MRPS27: variants seen among roughly 807,000 people sequenced by gnomAD.
The protein encoded by MRPS27 is small ribosomal subunit protein mS27.
A neutral mutation model predicts 48.9 loss-of-function variants in MRPS27; 43 were observed. The ratio of observed to expected loss-of-function variants is 0.88; its 90% confidence interval spans 0.69 to 1.13. MRPS27 has a LOEUF of 1.13. Ranked by LOEUF, MRPS27 falls within the 50% of genes most tolerant of loss-of-function variation. MRPS27 has a pLI of 0.00. For synonymous variants in MRPS27, 188 were observed against 171.9 expected (o/e 1.09, Z -0.73); for missense variants, 467 against 476.3 (o/e 0.98, Z 0.18).
Position 72,296,248 on chromosome 5 carries a change from G to A in MRPS27, c.223-659C>T, listed in dbSNP as rs373799852. 8.7e-4 allele frequency among the ~76,000 whole-genome samples: 132 copies of A among 152,124 alleles called. 4 individuals are homozygous for A. The South Asian group carries it at 0.026, about 29-fold the overall frequency. On this transcript the variant is annotated intron_variant, in intron 3 of 10. Transcript: ENST00000261413. ...CAGAGGCAAAAAAGAAAAAAAAAGC[G>A]TAGAAGACAATGCATGTTGTGAATA...
At chr5:72,313,790 A>T (rs1750498837) in intron 2 of MRPS27, among the ~76,000 whole-genome samples, 1 of 152,226 alleles carries the variant, frequency 6.6e-6, no homozygotes, top group South Asian at 2.1e-4. Context: ...AAATTCTGTA[A>T]AACAGGCTGC....
intron 4 of MRPS27, among the ~76,000 whole-genome samples, chr5:72,263,821 A>G (rs1045259726): frequency 1.3e-5 from 2 of 152,162 alleles, no homozygotes; most frequent in African/African-American, 2.4e-5. Context: ...GCTGGCCACT[A>G]TGGAAAATAG....
intron 4 of MRPS27, among the ~76,000 whole-genome samples, chr5:72,245,039 A>G (rs1748474687): frequency 6.6e-6 from 1 of 152,196 alleles, no homozygotes; most frequent in Non-Finnish European, 1.5e-5. Flanking sequence ...GGGAGAAGAA[A>G]CAAGTATTTA....
At position 72,223,867 on chromosome 5, in the gene MRPS27, G is replaced by C. The variant is rs1336308368; in HGVS notation, c.838-17C>G. 2 of 1,609,738 alleles carry C rather than the reference G, an allele frequency of 1.2e-6. No individual in the cohort carries two copies. The highest frequency in any genetic ancestry group is 2.2e-5 in the East Asian group (1 of 44,768). Reference sequence around the variant, plus strand: ...CACATCGAGCTGTGGAGCAGAAAGAGGGTCAGCAACCAAATGTTTTATGGC... The same window carrying C: ...CACATCGAGCTGTGGAGCAGAAAGACGGTCAGCAACCAAATGTTTTATGGC... On this transcript the variant is annotated splice_polypyrimidine_tract_variant and intron_variant, in intron 9 of 10. Coordinates refer to ENST00000261413, the MANE Select transcript of MRPS27 (RefSeq NM_015084.3).
At chr5:72,263,948 T>C (rs1749044708) in intron 4 of MRPS27, among the ~76,000 whole-genome samples, 1 of 152,156 alleles carries the variant, frequency 6.6e-6, no homozygotes, top group Non-Finnish European at 1.5e-5. Context: ...ACATGCATGT[T>C]CGTAGCAGCA....
intron 1 of MRPS27, among the ~76,000 whole-genome samples, chr5:72,317,543 T>G: frequency 6.6e-6 from 1 of 151,924 alleles, no homozygotes; most frequent in East Asian, 1.9e-4. Context: ...CCACCACGCC[T>G]AATTTTGTAT....
chr5:72,230,866 C>T (rs952407195), intron 7 of MRPS27, among the ~76,000 whole-genome samples: 20 of 152,128 alleles, frequency 1.3e-4, no homozygotes, highest in Non-Finnish European at 2.5e-4. Flanking sequence ...GTGACCCCTG[C>T]TTCCCTGCCT....
At chr5:72,283,631 T>A (rs1400062968) in intron 4 of MRPS27, among the ~76,000 whole-genome samples, 1 of 152,180 alleles carries the variant, frequency 6.6e-6, no homozygotes, top group Non-Finnish European at 1.5e-5. Context: ...TGGCAATTGT[T>A]CTTTCTCCAA....
chr5:72,292,958 T>C (rs1749870065), intron 4 of MRPS27, among the ~76,000 whole-genome samples: 1 of 152,200 alleles, frequency 6.6e-6, no homozygotes, highest in African/African-American at 2.4e-5. Context: ...TGCTCCGAGA[T>C]GTCTAAAGTC....
At chr5:72,298,206 A>G (rs1016025274) in intron 2 of MRPS27, among the ~76,000 whole-genome samples, 3 of 152,214 alleles carry the variant, frequency 2.0e-5, no homozygotes, top group African/African-American at 7.2e-5. Context: ...TATCCCCATT[A>G]AAAAATGAGC....
intron 4 of MRPS27, among the ~76,000 whole-genome samples, chr5:72,292,058 T>C (rs1749834210): frequency 6.6e-6 from 1 of 152,210 alleles, no homozygotes; most frequent in Admixed American, 6.5e-5. Context: ...TTATTTTTTA[T>C]TATCTTATTT....
chr5:72,228,537 C>G (rs373524443), intron 7 of MRPS27, 169 bp from the exon 8 acceptor site: 1 of 452,698 alleles, frequency 2.2e-6, no homozygotes, highest in South Asian at 6.1e-5. Context: ...AAGGTACTTA[C>G]GTCAAAGAAA....
intron 4 of MRPS27, among the ~76,000 whole-genome samples, chr5:72,246,278 A>AATG (rs956614955): frequency 6.6e-5 from 10 of 152,210 alleles, no homozygotes; most frequent in Admixed American, 5.9e-4. Context: ...GCCAAGAAGA[A>AATG]ATGCTGCCTT....
In MRPS27 at chr5:72,232,483, T is replaced by TA; in HGVS notation, c.550dup (p.Tyr184LeufsTer74). The TA allele has an allele frequency of 6.2e-7, 1 of 1,612,390 alleles. No homozygotes were observed. ...CTTTGCCAGGCAATGAAATAAAACA[T>TA]AGAGGGAGAGAAGTTGGGTGGAAGG... On this transcript the variant is annotated frameshift_variant, in exon 7 of 11. Transcript: ENST00000261413. LOFTEE classifies it high-confidence loss of function.
intron 4 of MRPS27, among the ~76,000 whole-genome samples, chr5:72,270,798 T>C (rs941808721): frequency 6.6e-6 from 1 of 152,186 alleles, no homozygotes; most frequent in African/African-American, 2.4e-5. Context: ...CAATACACTC[T>C]TGGGAATTCA....
At chr5:72,254,467 T>C (rs1251732270) in intron 4 of MRPS27, among the ~76,000 whole-genome samples, 1 of 152,174 alleles carries the variant, frequency 6.6e-6, no homozygotes, top group Non-Finnish European at 1.5e-5. Context: ...ACCCCCTTAT[T>C]ATCCTTGGGA....
At chr5:72,316,373 CTTTG>C (rs1750564407) in intron 1 of MRPS27, among the ~76,000 whole-genome samples, 2 of 152,132 alleles carry the variant, frequency 1.3e-5, no homozygotes, top group South Asian at 2.1e-4. Flanking sequence ...TTTGTTGTTT[CTTTG>C]TTTGTTTTTG....
In MRPS27 at chr5:72,219,816, A is replaced by T. The variant is rs1159539552; in HGVS notation, c.*1093T>A. ...GCACATGTGCCTCTGTGTGTACACA[A>T]AAGGCTCATTTTACCTACTTGATAA... On this transcript the variant is annotated 3_prime_UTR_variant, in exon 11 of 11. Coordinates refer to ENST00000261413, the MANE Select transcript of MRPS27 (RefSeq NM_015084.3). 6.6e-6 allele frequency: 1 copy of T among 152,306 alleles called. No homozygotes were observed. The highest frequency in any genetic ancestry group is 1.5e-5 in the Non-Finnish European group (1 of 68,042). The allele number at this position is 152,306 out of a possible 1,614,324, so 9.4% of individuals were successfully genotyped here. A position where few individuals can be genotyped will look rare whatever the true frequency, so the allele number is the denominator to read the frequency against.
intron 4 of MRPS27, among the ~76,000 whole-genome samples, chr5:72,243,248 C>A (rs1255944308): frequency 6.6e-6 from 1 of 152,192 alleles, no homozygotes; most frequent in Non-Finnish European, 1.5e-5. Context: ...AAGGAATGAG[C>A]GCTTCCTTGA....
Sources: gnomAD v4.1 joint callset for allele counts (sites outside exome capture counted in the v4.1 genomes callset) on GRCh38, gnomAD v4.1.1 for gene constraint, MANE v1.5 for transcripts, NCBI Gene and HGNC (gene_info 2026-07-23, HGNC 2026-07-21) for gene names.